The following SEL1L3 variants were observed in gnomAD, a reference collection of about 807,000 sequenced individuals.
SEL1L3 encodes the protein SEL1L family member 3.
SEL1L3 carries 76 observed loss-of-function variants against 142.8 expected under a neutral mutation model. The observed-to-expected ratio is 0.53, with a 90% CI of 0.44 to 0.64. The LOEUF (loss-of-function observed/expected upper bound fraction) is 0.64, where lower values mean the gene tolerates loss of function less well. SEL1L3 is among the 30% of genes least tolerant of loss of function. SEL1L3 has a pLI of 0.00. For synonymous variants in SEL1L3, 504 were observed against 519.6 expected, an observed-to-expected ratio of 0.97 and a Z score of 0.41; for missense variants, 1,262 against 1,381.7, an observed-to-expected ratio of 0.91 and a Z score of 1.37.
the SEL1L3 span, among the ~76,000 whole-genome samples, chr4:25,730,996 A>G: frequency 1.4e-3 from 209 of 152,246 alleles, no homozygotes; most frequent in Admixed American, 4.1e-3. Flanking sequence ...ACACCACTGC[A>G]CTCCAGCCTG....
At position 25,748,261 on chromosome 4, in the gene SEL1L3, C is replaced by T; in HGVS notation, c.*164G>A. The T allele has an allele frequency of 1.5e-6, 1 of 649,484 alleles. No homozygotes were observed. The highest frequency in any genetic ancestry group is 2.0e-5 in the South Asian group (1 of 50,840). 40.2% of individuals were successfully genotyped at this position (649,484 alleles called of 1,614,324 possible). A position where few individuals can be genotyped will look rare whatever the true frequency, so the allele number is the denominator to read the frequency against. ...GTATTACCACTGCCTGATCTGGGTA[C>T]TTCCTTGTAATTTGACTTTAAAAAA... On this transcript the variant is annotated 3_prime_UTR_variant, in exon 24 of 24. Transcript: ENST00000399878.
intron 6 of SEL1L3, among the ~76,000 whole-genome samples, chr4:25,825,224 A>G (rs1715014941): frequency 6.6e-6 from 1 of 152,210 alleles, no homozygotes; most frequent in African/African-American, 2.4e-5. Flanking sequence ...TTATCAAGCA[A>G]TAGGATATAT....
the SEL1L3 span, among the ~76,000 whole-genome samples, chr4:25,730,975 G>A: frequency 1.3e-5 from 2 of 152,232 alleles, no homozygotes; most frequent in African/African-American, 4.8e-5. Flanking sequence ...AGGTTGCAGC[G>A]AGGAAAGATC....
the SEL1L3 span, among the ~76,000 whole-genome samples, chr4:25,727,906 C>T: frequency 6.6e-5 from 10 of 152,150 alleles, no homozygotes; most frequent in African/African-American, 2.2e-4. Context: ...TAGTTAACAC[C>T]CTTCCTGATT....
At chr4:25,833,152 T>C in intron 4 of SEL1L3, 42 bp from the exon 5 acceptor site, 1 of 1,117,302 alleles carries the variant, frequency 9.0e-7, no homozygotes, top group African/African-American at 1.5e-5. Flanking sequence ...GCAAAAAATA[T>C]CTACGAGTGA....
At chr4:25,778,463 G>A (rs1308181529) in intron 16 of SEL1L3, among the ~76,000 whole-genome samples, 5 of 152,102 alleles carry the variant, frequency 3.3e-5, no homozygotes, top group Non-Finnish European at 7.4e-5. Flanking sequence ...AAAATAAGTA[G>A]CAATCCATAG....
In SEL1L3 at chr4:25,779,235, T is replaced by C. The variant is rs779245110; in HGVS notation, c.2458-32A>G. The C allele has an allele frequency of 4.7e-5, 75 of 1,609,430 alleles. No individual in the cohort carries two copies. The Admixed American group carries it at 1.2e-3, about 26-fold the overall frequency. On this transcript the variant is annotated intron_variant, in intron 15 of 23. Transcript: ENST00000399878. ...CAAGAGATGAACAAACATCGAGTCA[T>C]CCTAGCTGGGCTGGTTTCGCCAGAG...
chr4:25,770,957 C>T (rs1237602196), intron 17 of SEL1L3, among the ~76,000 whole-genome samples: 1 of 152,122 alleles, frequency 6.6e-6, no homozygotes, highest in Non-Finnish European at 1.5e-5. Flanking sequence ...CTGCAGAAAC[C>T]CTGTCCACAT....
chr4:25,852,099 C>T (rs763251410), intron 1 of SEL1L3, among the ~76,000 whole-genome samples: 5 of 152,076 alleles, frequency 3.3e-5, no homozygotes, highest in Non-Finnish European at 7.4e-5. Context: ...TGCCAGATTA[C>T]AGGGAGGAAA....
chr4:25,841,926 C>G (rs992386034), intron 2 of SEL1L3, among the ~76,000 whole-genome samples: 2 of 152,152 alleles, frequency 1.3e-5, no homozygotes, highest in African/African-American at 4.8e-5. Flanking sequence ...CGCCACTGCA[C>G]TCCAGCCTGG....
chr4:25,729,575 G>A, the SEL1L3 span, among the ~76,000 whole-genome samples: 4 of 152,200 alleles, frequency 2.6e-5, no homozygotes, highest in South Asian at 6.2e-4. Context: ...TTAGCTGGGC[G>A]TGGTGGCACA....
At chr4:25,730,521 C>T in the SEL1L3 span, among the ~76,000 whole-genome samples, 15 of 152,168 alleles carry the variant, frequency 9.9e-5, no homozygotes, top group African/African-American at 3.6e-4. Context: ...CGCACAATTC[C>T]TCTGTAAGTA....
chr4:25,774,544 C>T (rs1434188968), intron 17 of SEL1L3, among the ~76,000 whole-genome samples: 1 of 152,154 alleles, frequency 6.6e-6, no homozygotes. Flanking sequence ...TTACAATATG[C>T]TAAAGTGCTT....
intron 20 of SEL1L3, among the ~76,000 whole-genome samples, chr4:25,764,804 G>A (rs572783307): frequency 6.6e-6 from 1 of 152,306 alleles, no homozygotes; most frequent in South Asian, 2.1e-4. Flanking sequence ...ACAGGATTAT[G>A]TGAGAATGGC....
chr4:25,778,739 T>A (rs1233562300), intron 16 of SEL1L3, among the ~76,000 whole-genome samples: 1 of 151,932 alleles, frequency 6.6e-6, no homozygotes, highest in Non-Finnish European at 1.5e-5. Flanking sequence ...GAAATAGTGG[T>A]ATAAGCATGT....
At chr4:25,772,808 T>C (rs982705613) in intron 17 of SEL1L3, among the ~76,000 whole-genome samples, 1 of 151,894 alleles carries the variant, frequency 6.6e-6, no homozygotes, top group Non-Finnish European at 1.5e-5. Context: ...TATTTATTTA[T>C]TTTTTTTGAA....
intron 3 of SEL1L3, 119 bp from the exon 4 acceptor site, chr4:25,833,688 G>C: frequency 1.1e-6 from 1 of 882,638 alleles, no homozygotes; most frequent in Non-Finnish European, 1.7e-6. Flanking sequence ...ATTTGCCTTC[G>C]CGTTCATCAT....
the SEL1L3 span, among the ~76,000 whole-genome samples, chr4:25,722,508 G>A: frequency 6.6e-6 from 1 of 152,068 alleles, no homozygotes; most frequent in African/African-American, 2.4e-5. Flanking sequence ...GTTGTGAGCT[G>A]CGCAAAGTCA....
At chr4:25,820,210 T>C (rs1422274314) in intron 7 of SEL1L3, among the ~76,000 whole-genome samples, 1 of 152,204 alleles carries the variant, frequency 6.6e-6, no homozygotes, top group East Asian at 1.9e-4. Context: ...TCCCTCTTCT[T>C]TTCTCTGGCT....
Sources: gnomAD v4.1 joint callset for allele counts (sites outside exome capture counted in the v4.1 genomes callset) on GRCh38, gnomAD v4.1.1 for gene constraint, MANE v1.5 for transcripts, NCBI Gene and HGNC (gene_info 2026-07-23, HGNC 2026-07-21) for gene names.